The following CPE variants were observed in gnomAD, a reference collection of about 807,000 sequenced individuals.
CPE encodes carboxypeptidase E, also known as carbocypeptidase E.
CPE carries 17 observed loss-of-function variants against 53.5 expected under a neutral mutation model. The observed-to-expected ratio is 0.32, with a 90% CI of 0.22 to 0.48. The LOEUF is 0.48. Ranked by LOEUF, CPE falls within the 20% of genes least tolerant of loss-of-function variation. CPE has a pLI of 0.99. For missense variants in CPE, 524 were observed against 614.7 expected (o/e 0.85, Z 1.56); for synonymous variants, 226 against 228.8 (o/e 0.99, Z 0.11).
chr4:165,492,639 G>C (rs1014623549), intron 6 of CPE, among the ~76,000 whole-genome samples: 14 of 152,112 alleles, frequency 9.2e-5, no homozygotes, highest in Admixed American at 3.3e-4. Flanking sequence ...GAGCAAGCAG[G>C]GGGTACGTGA....
chr4:165,389,037 C>G (rs1200391970), intron 1 of CPE, among the ~76,000 whole-genome samples: 1 of 152,000 alleles, frequency 6.6e-6, no homozygotes, highest in Non-Finnish European at 1.5e-5. Flanking sequence ...AGAGCTCACA[C>G]AAAGAGAAAT....
At chr4:165,405,284 T>G (rs1730934966) in intron 1 of CPE, 1 of 1,067,338 alleles carries the variant, frequency 9.4e-7, no homozygotes, top group African/African-American at 1.5e-5. Context: ...ATGCTTAACA[T>G]CCTTCTGTGG....
intron 1 of CPE, among the ~76,000 whole-genome samples, chr4:165,397,444 G>A (rs1277718740): frequency 1.3e-5 from 2 of 152,122 alleles, no homozygotes; most frequent in African/African-American, 2.4e-5. Flanking sequence ...TCTTAAATAC[G>A]CAATTCGGTA....
At chr4:165,475,684 T>A (rs545124484) in intron 3 of CPE, among the ~76,000 whole-genome samples, 1 of 152,224 alleles carries the variant, frequency 6.6e-6, no homozygotes, top group East Asian at 1.9e-4. Flanking sequence ...CCAACTTTAG[T>A]TGAAAAAGCA....
intron 2 of CPE, among the ~76,000 whole-genome samples, chr4:165,465,589 T>C (rs1311545464): frequency 1.3e-5 from 2 of 152,084 alleles, no homozygotes; most frequent in Non-Finnish European, 2.9e-5. Context: ...TGTGATATAA[T>C]TTAACAGTAA....
chr4:165,457,661 A>C (rs1011013188), intron 1 of CPE, among the ~76,000 whole-genome samples: 1 of 152,210 alleles, frequency 6.6e-6, no homozygotes, highest in East Asian at 1.9e-4. Flanking sequence ...TTGACTGCCC[A>C]TTAAAAATCA....
chr4:165,466,383 G>A (rs1051057241), intron 2 of CPE, among the ~76,000 whole-genome samples: 2 of 152,196 alleles, frequency 1.3e-5, no homozygotes, highest in Non-Finnish European at 1.5e-5. Flanking sequence ...CAATGAGTGA[G>A]TGGTGAGTGA....
intron 3 of CPE, among the ~76,000 whole-genome samples, chr4:165,469,447 C>T (rs1732165689): frequency 6.6e-6 from 1 of 152,086 alleles, no homozygotes; most frequent in Non-Finnish European, 1.5e-5. Flanking sequence ...GCTTCGATAC[C>T]CTATAGACTC....
intron 1 of CPE, among the ~76,000 whole-genome samples, chr4:165,459,805 A>G (rs562992272): frequency 2.7e-5 from 4 of 150,576 alleles, no homozygotes; most frequent in African/African-American, 4.9e-5. Flanking sequence ...ACTCCCAGCT[A>G]CTCAGGAGGC....
Position 165,484,419 on chromosome 4 carries a change from T to C in CPE, c.791-3T>C, listed in dbSNP as rs1560895817. The C allele has an allele frequency of 5.0e-6, 8 of 1,612,626 alleles. No homozygotes were observed. The highest frequency in any genetic ancestry group is 5.9e-6 in the Non-Finnish European group (7 of 1,178,994). On this transcript the variant is annotated splice_polypyrimidine_tract_variant and splice_region_variant and intron_variant, in intron 4 of 8. Transcript: ENST00000402744. ...TCTTTAATCTTGTGGATTTGTTTTC[T>C]AGGTAGTGCTCACGAATACAGCTCC...
chr4:165,391,377 T>C (rs1006615733), intron 1 of CPE, among the ~76,000 whole-genome samples: 2 of 152,132 alleles, frequency 1.3e-5, no homozygotes, highest in African/African-American at 4.8e-5. Flanking sequence ...TCTGCCAACA[T>C]TTCCAAAAGG....
chr4:165,417,462 A>G (rs553096971), intron 1 of CPE, among the ~76,000 whole-genome samples: 1 of 150,744 alleles, frequency 6.6e-6, no homozygotes, highest in East Asian at 1.9e-4. Context: ...AGATGAAGAA[A>G]TAGACTCAGA....
intron 1 of CPE, among the ~76,000 whole-genome samples, chr4:165,423,794 T>G (rs71618454): frequency 1.2e-5 from 1 of 84,536 alleles, no homozygotes. Context: ...CCCTCCCCCC[T>G]CCCCCCACCC....
chr4:165,408,101 CTG>C (rs1178308623), intron 1 of CPE, among the ~76,000 whole-genome samples: 1 of 152,212 alleles, frequency 6.6e-6, no homozygotes, highest in Non-Finnish European at 1.5e-5. Flanking sequence ...TTCTCCCATT[CTG>C]TGTGTTGTCT....
chr4:165,456,469 AAAAAG>A (rs1423865035), intron 1 of CPE, among the ~76,000 whole-genome samples: 1 of 152,188 alleles, frequency 6.6e-6, no homozygotes, highest in Non-Finnish European at 1.5e-5. Flanking sequence ...GAAATGAAAC[AAAAAG>A]AAAAGTAATA....
At chr4:165,486,210 G>GC (rs1290788836) in intron 5 of CPE, among the ~76,000 whole-genome samples, 2 of 123,090 alleles carry the variant, frequency 1.6e-5, no homozygotes, top group East Asian at 2.7e-4. Flanking sequence ...AAAAGGGGTG[G>GC]GGGGGTAGCT....
chr4:165,446,268 T>C (rs1005816707), intron 1 of CPE, among the ~76,000 whole-genome samples: 1 of 152,122 alleles, frequency 6.6e-6, no homozygotes, highest in Non-Finnish European at 1.5e-5. Context: ...ATGCACAACA[T>C]AAAGTAAGAA....
intron 1 of CPE, among the ~76,000 whole-genome samples, chr4:165,460,234 T>A (rs1731976995): frequency 1.3e-5 from 2 of 152,124 alleles, no homozygotes; most frequent in African/African-American, 4.8e-5. Flanking sequence ...CTTAAAAAAG[T>A]CTAAGGTAAA....
chr4:165,494,527 GA>G (rs1266973277), intron 7 of CPE, among the ~76,000 whole-genome samples: 1 of 152,132 alleles, frequency 6.6e-6, no homozygotes, highest in Non-Finnish European at 1.5e-5. Context: ...AGAAGGGAGT[GA>G]AAAAGCGTTA....
Sources: allele counts gnomAD v4.1 joint callset (sites outside exome capture counted in the v4.1 genomes callset), GRCh38; gene constraint gnomAD v4.1.1; transcripts MANE v1.5; gene names NCBI Gene and HGNC (gene_info 2026-07-23, HGNC 2026-07-21).